The following RAPGEF6 variants were observed in gnomAD, a reference collection of about 807,000 sequenced individuals.
RAPGEF6 encodes the protein PDZ domain containing guanine nucleotide exchange factor (GEF) 2.
In RAPGEF6, 56 loss-of-function variants were observed where a neutral mutation model predicts 171.4. The observed-to-expected ratio is 0.33, with a 90% CI of 0.26 to 0.41. The LOEUF is 0.41. Among genes scored for constraint, RAPGEF6 ranks in the 10% least tolerant of loss-of-function variants. The pLI, the probability that RAPGEF6 is intolerant of heterozygous loss-of-function variation, is 1.00. For missense variants in RAPGEF6, 1,674 were observed against 1,921.4 expected (o/e 0.87, Z 2.41); for synonymous variants, 692 against 650.1 (o/e 1.06, Z -0.98).
chr5:131,606,525 AAAAG>A (rs1361046873), intron 1 of RAPGEF6, among the ~76,000 whole-genome samples: 2 of 152,250 alleles, frequency 1.3e-5, no homozygotes, highest in Non-Finnish European at 2.9e-5. Flanking sequence ...TGAATAGGTT[AAAAG>A]AAAGGTCTAC....
intron 11 of RAPGEF6, among the ~76,000 whole-genome samples, chr5:131,500,614 T>C (rs1233913351): frequency 6.6e-6 from 1 of 152,232 alleles, no homozygotes; most frequent in African/African-American, 2.4e-5. Flanking sequence ...AAATATATTA[T>C]GCAATTTTAT....
chr5:131,447,446 C>CA, intron 21 of RAPGEF6: 1 of 151,672 alleles, frequency 6.6e-6, no homozygotes. Context: ...GAAATAACCA[C>CA]AATTCAAACA....
Position 131,513,865 on chromosome 5 carries a change from C to T in RAPGEF6, c.628-3374G>A, listed in dbSNP as rs1412009707. Reference sequence around the variant, plus strand: ...TCTACAAAAAAATACAAAAATTAGCCGGGTGTGGTGGCATTAGCCGGGTGT... The same window carrying T: ...TCTACAAAAAAATACAAAAATTAGCTGGGTGTGGTGGCATTAGCCGGGTGT... On this transcript the variant is annotated intron_variant, in intron 7 of 27. Transcript: ENST00000509018. Among the ~76,000 whole-genome samples the T allele has an allele frequency of 8.6e-5, 13 of 151,674 alleles. 1 individual carries two copies. In the East Asian group the frequency reaches 1.4e-3, roughly 16 times the overall value.
intron 16 of RAPGEF6, among the ~76,000 whole-genome samples, chr5:131,476,385 A>T (rs985694560): frequency 2.6e-5 from 4 of 152,198 alleles, no homozygotes; most frequent in Admixed American, 1.3e-4. Context: ...CAGGAGTTCC[A>T]AGTCAGGAGT....
intron 19 of RAPGEF6, among the ~76,000 whole-genome samples, chr5:131,457,113 G>A (rs892953601): frequency 2.0e-5 from 3 of 152,172 alleles, no homozygotes; most frequent in Non-Finnish European, 4.4e-5. Context: ...CCAGGCTGGA[G>A]TGCGGTGGTG....
intron 6 of RAPGEF6, among the ~76,000 whole-genome samples, chr5:131,522,644 A>G (rs1326717477): frequency 1.3e-5 from 2 of 152,164 alleles, no homozygotes; most frequent in Non-Finnish European, 2.9e-5. Flanking sequence ...ACAAACAGAA[A>G]ACCTGAAGTA....
chr5:131,499,957 T>C lies in RAPGEF6; in HGVS notation c.1255-1350A>G, dbSNP rs564885079. Among the ~76,000 whole-genome samples the C allele has an allele frequency of 3.9e-5, 6 of 152,302 alleles. No individual in the cohort carries two copies. The South Asian group carries it at 1.0e-3, about 26-fold the overall frequency. On this transcript the variant is annotated intron_variant, in intron 11 of 27. Coordinates refer to ENST00000509018, the MANE Select transcript of RAPGEF6 (RefSeq NM_016340.6). ...TCTGTCGCCCAGGCTGGAGTGCCGCTGCGCGATCTCAGCTCACTGCAACTT... is the reference window on the plus strand; with the variant it reads ...TCTGTCGCCCAGGCTGGAGTGCCGCCGCGCGATCTCAGCTCACTGCAACTT...
chr5:131,537,382 A>G (rs1159985667), intron 6 of RAPGEF6, among the ~76,000 whole-genome samples: 2 of 152,320 alleles, frequency 1.3e-5, no homozygotes, highest in East Asian at 3.9e-4. Flanking sequence ...AATAATAAAG[A>G]CAATTTTAAA....
At chr5:131,568,611 G>A (rs1294246007) in intron 4 of RAPGEF6, among the ~76,000 whole-genome samples, 1 of 152,142 alleles carries the variant, frequency 6.6e-6, no homozygotes, top group Non-Finnish European at 1.5e-5. Flanking sequence ...GAGCCACACT[G>A]TACCTGGCTG....
intron 5 of RAPGEF6, among the ~76,000 whole-genome samples, chr5:131,557,677 A>G (rs1010683698): frequency 6.6e-6 from 1 of 152,200 alleles, no homozygotes; most frequent in South Asian, 2.1e-4. Context: ...TTAGGTTATA[A>G]AAGTTTCATT....
intron 6 of RAPGEF6, among the ~76,000 whole-genome samples, chr5:131,534,244 CTTG>C (rs1759603003): frequency 1.3e-5 from 2 of 152,074 alleles, no homozygotes; most frequent in African/African-American, 4.8e-5. Context: ...GAAGAAACAT[CTTG>C]TTGTTAAGCA....
intron 11 of RAPGEF6, among the ~76,000 whole-genome samples, chr5:131,500,129 C>A (rs1159826393): frequency 1.3e-5 from 2 of 152,188 alleles, no homozygotes; most frequent in East Asian, 3.9e-4. Context: ...GAACTCTTGA[C>A]CTCGTGATCC....
chr5:131,495,565 A>G lies in RAPGEF6; in HGVS notation c.1515T>C (p.Asn505=), dbSNP rs774283165. ...MTRFLEEFEK[N]LEDTKMNGHL... ...TTTTGAGCCTTACTGTATCTTCCAG[A>G]TTTTTTTCAAATTCCTCTAGAAATC... is the stretch of plus-strand genomic sequence containing the variant. Residue 505 remains asparagine, a synonymous_variant, in exon 13 of 28, where the codon AAT becomes AAC. Coordinates refer to ENST00000509018, the MANE Select transcript of RAPGEF6 (RefSeq NM_016340.6). 1.9e-6 allele frequency: 3 copies of G among 1,613,364 alleles called. No homozygotes were observed. The highest frequency in any genetic ancestry group is 2.5e-6 in the Non-Finnish European group (3 of 1,179,576).
intron 24 of RAPGEF6, among the ~76,000 whole-genome samples, chr5:131,434,426 A>C (rs1434329478): frequency 6.6e-6 from 1 of 152,080 alleles, no homozygotes; most frequent in Non-Finnish European, 1.5e-5. Context: ...TTTTGCAGAA[A>C]TGAGGTCTCA....
intron 4 of RAPGEF6, among the ~76,000 whole-genome samples, chr5:131,589,150 G>T (rs540259411): frequency 4.8e-4 from 73 of 152,212 alleles, no homozygotes; most frequent in African/African-American, 1.7e-3. Flanking sequence ...TTAAAGTTTT[G>T]TTCCAATCAC....
At chr5:131,581,866 C>T (rs190421771) in intron 4 of RAPGEF6, among the ~76,000 whole-genome samples, 25 of 152,250 alleles carry the variant, frequency 1.6e-4, no homozygotes, top group African/African-American at 6.0e-4. Flanking sequence ...TTCCTCCCCA[C>T]CAACCCTTGT....
intron 16 of RAPGEF6, 183 bp from the exon 17 acceptor site, chr5:131,472,927 A>G: frequency 1.8e-6 from 1 of 552,622 alleles, no homozygotes; most frequent in Non-Finnish European, 3.2e-6. Context: ...AATTTTTAAC[A>G]ATTACATTAA....
chr5:131,613,452 T>C (rs751558333), intron 1 of RAPGEF6, among the ~76,000 whole-genome samples: 16 of 151,642 alleles, frequency 1.1e-4, no homozygotes, highest in Non-Finnish European at 2.4e-4. Flanking sequence ...TTCATATATA[T>C]ATATATATGT....
intron 6 of RAPGEF6, among the ~76,000 whole-genome samples, chr5:131,532,657 T>C (rs1438490905): frequency 6.6e-6 from 1 of 152,092 alleles, no homozygotes; most frequent in Admixed American, 6.6e-5. Flanking sequence ...TTCTTTATAT[T>C]CTTAACCTCC....
Sources: gnomAD v4.1 joint callset for allele counts (sites outside exome capture counted in the v4.1 genomes callset) on GRCh38, gnomAD v4.1.1 for gene constraint, MANE v1.5 for transcripts, NCBI Gene and HGNC (gene_info 2026-07-23, HGNC 2026-07-21) for gene names.